Variants in SCLT1 observed in about 807,000 individuals in gnomAD.
SCLT1 encodes the protein sodium channel-associated protein 1.
Under a neutral mutation model 112.8 loss-of-function variants are expected in SCLT1, and 78 were observed. The ratio of observed to expected loss-of-function variants is 0.69; its 90% CI spans 0.58 to 0.83. The LOEUF is 0.83. SCLT1 is among the 40% of genes least tolerant of loss of function. The probability of loss-of-function intolerance (pLI) is 0.00; values close to 1 mark genes in which losing one functional copy is unlikely to be tolerated. For missense variants in SCLT1, 747 were observed against 770.4 expected, an observed-to-expected ratio of 0.97 and a Z score of 0.36; for synonymous variants, 257 against 254.7, an observed-to-expected ratio of 1.01 and a Z score of -0.09.
chr4:129,069,987 CT>C (rs1750847439), intron 2 of SCLT1, among the ~76,000 whole-genome samples: 1 of 152,042 alleles, frequency 6.6e-6, no homozygotes, highest in Admixed American at 6.6e-5. Context: ...TTGTTGAATG[CT>C]TTTTCTGCAT....
chr4:128,982,853 T>G (rs1469279534), intron 9 of SCLT1, among the ~76,000 whole-genome samples: 3 of 151,988 alleles, frequency 2.0e-5, no homozygotes, highest in African/African-American at 7.2e-5. Flanking sequence ...TGATGAGAAG[T>G]TAATAAGGAC....
chr4:128,915,866 T>C (rs1489437544), intron 18 of SCLT1, among the ~76,000 whole-genome samples: 1 of 152,212 alleles, frequency 6.6e-6, no homozygotes, highest in Admixed American at 6.5e-5. Flanking sequence ...TTTTAAAACA[T>C]GTAATGAAAC....
chr4:129,055,348 C>T (rs2125719273), intron 2 of SCLT1, among the ~76,000 whole-genome samples: 1 of 152,340 alleles, frequency 6.6e-6, no homozygotes, highest in African/African-American at 2.4e-5. Context: ...AGCCATCAGG[C>T]AAGATCGTTT....
At chr4:128,898,803 A>G (rs1734012966) in intron 18 of SCLT1, among the ~76,000 whole-genome samples, 1 of 152,204 alleles carries the variant, frequency 6.6e-6, no homozygotes, top group Admixed American at 6.5e-5. Flanking sequence ...GAAAACAGAG[A>G]AGAATCAAAT....
intron 2 of SCLT1, among the ~76,000 whole-genome samples, chr4:129,052,138 G>A (rs543833883): frequency 6.6e-6 from 1 of 152,276 alleles, no homozygotes; most frequent in South Asian, 2.1e-4. Context: ...ATATTTTATT[G>A]AGGAATTTCA....
chr4:128,986,078 G>A (rs942050499), intron 9 of SCLT1, among the ~76,000 whole-genome samples: 6 of 152,206 alleles, frequency 3.9e-5, no homozygotes, highest in African/African-American at 1.4e-4. Context: ...AAGAGGTACC[G>A]ATGAGTGTAG....
rs538440118 is a variant in SCLT1, at chr4:129,005,910, G to A, written c.291-2034C>T. On this transcript the variant is annotated intron_variant, in intron 5 of 20. Coordinates refer to ENST00000281142, the MANE Select transcript of SCLT1 (RefSeq NM_144643.4). ...AAATCATCACTCTCAGTAAACTATC[G>A]CAAGGACAAAAAACCAAACACCGCA... 3.8e-3 allele frequency among the ~76,000 whole-genome samples: 575 copies of A among 150,038 alleles called. 1 individual carries two copies. Among genetic ancestry groups the A allele is most frequent in the African/African-American group, 0.012 (478 of 40,842 alleles).
intron 5 of SCLT1, among the ~76,000 whole-genome samples, chr4:129,011,231 C>T (rs1744493225): frequency 6.6e-6 from 1 of 152,156 alleles, no homozygotes; most frequent in African/African-American, 2.4e-5. Context: ...TATTGATTTG[C>T]ATATGATGAA....
intron 18 of SCLT1, among the ~76,000 whole-genome samples, chr4:128,904,225 A>G (rs946239692): frequency 2.0e-5 from 3 of 152,172 alleles, no homozygotes; most frequent in African/African-American, 7.2e-5. Context: ...TTTAAAGTAC[A>G]TATAGAAGAA....
intron 5 of SCLT1, among the ~76,000 whole-genome samples, chr4:129,015,945 G>T (rs751097262): frequency 3.9e-4 from 60 of 152,090 alleles, no homozygotes; most frequent in Non-Finnish European, 2.2e-4. Flanking sequence ...TATCATACAG[G>T]TTTATATTTT....
Position 128,877,065 on chromosome 4 carries a change from C to G in SCLT1, n.226-429G>C, listed in dbSNP as rs1732538494. ...TAATCTCTCCAGCATTTGGCTGAAG[C>G]CTTGCCAATGGTATCTCCATAGTGA... On this transcript the variant is annotated intron_variant and non_coding_transcript_variant, in intron 3 of 7. Transcript: ENST00000503565. Among the ~76,000 whole-genome samples, 5 of 152,324 alleles carry G rather than the reference C, an allele frequency of 3.3e-5. No individual in the cohort carries two copies. In the South Asian group the frequency reaches 1.0e-3, roughly 32 times the overall value.
chr4:129,092,823 G>A (rs1752967982), intron 1 of SCLT1, among the ~76,000 whole-genome samples: 1 of 152,194 alleles, frequency 6.6e-6, no homozygotes, highest in Non-Finnish European at 1.5e-5. Flanking sequence ...CAGAGCACGA[G>A]AGGAGCATAA....
intron 19 of SCLT1, among the ~76,000 whole-genome samples, chr4:128,888,986 C>T (rs2125922069): frequency 6.6e-6 from 1 of 152,248 alleles, no homozygotes; most frequent in Non-Finnish European, 1.5e-5. Context: ...CACATGCCAG[C>T]AAAGAAAGTG....
chr4:129,012,092 C>G (rs556065074), intron 5 of SCLT1, among the ~76,000 whole-genome samples: 1 of 152,136 alleles, frequency 6.6e-6, no homozygotes, highest in East Asian at 1.9e-4. Flanking sequence ...TTTGTTTGCT[C>G]TTGGTTCTGT....
intron 2 of SCLT1, among the ~76,000 whole-genome samples, chr4:129,055,818 T>TAAA (rs56689003): frequency 7.5e-5 from 10 of 132,506 alleles, no homozygotes; most frequent in African/African-American, 2.7e-4. Context: ...GCCACTGGCA[T>TAAA]AAAAAAAAAA....
chr4:129,066,884 T>C (rs1224157097), intron 2 of SCLT1, among the ~76,000 whole-genome samples: 1 of 152,024 alleles, frequency 6.6e-6, no homozygotes, highest in Non-Finnish European at 1.5e-5. Flanking sequence ...TGAAAAACAC[T>C]AAGTTAAGGA....
intron 9 of SCLT1, among the ~76,000 whole-genome samples, chr4:128,981,308 A>G (rs940974047): frequency 1.3e-5 from 2 of 152,198 alleles, no homozygotes; most frequent in Non-Finnish European, 2.9e-5. Flanking sequence ...CCTTCCCAAA[A>G]GCTAGACTGT....
intron 4 of SCLT1, among the ~76,000 whole-genome samples, 194 bp downstream of exon 4, chr4:129,043,201 C>T (rs62316964): frequency 0.088 from 13,431 of 152,142 alleles, 760 homozygotes; most frequent in South Asian, 0.15. Context: ...CATAAGCCAC[C>T]GCACCCAGCT....
At chr4:128,998,444 A>T (rs17014019) in intron 7 of SCLT1, among the ~76,000 whole-genome samples, 2,960 of 152,028 alleles carry the variant, frequency 0.019, 104 homozygotes, top group African/African-American at 0.064. Flanking sequence ...CAGACGACAC[A>T]AAGTTGGGAG....
Sources: gnomAD v4.1 joint callset for allele counts (sites outside exome capture counted in the v4.1 genomes callset) on GRCh38, gnomAD v4.1.1 for gene constraint, MANE v1.5 for transcripts, NCBI Gene and HGNC (gene_info 2026-07-23, HGNC 2026-07-21) for gene names.